Variants in NRG1 observed in about 807,000 individuals in gnomAD.
NRG1 encodes neuregulin 1, also known as pro-neuregulin-1, membrane-bound isoform.
NRG1 carries 18 observed loss-of-function variants against 63.8 expected under a neutral mutation model. The ratio of observed to expected loss-of-function variants is 0.28; its 90% CI spans 0.19 to 0.42. NRG1 has a LOEUF of 0.42. Ranked by LOEUF, NRG1 falls within the 10% of genes least tolerant of loss-of-function variation. The probability of loss-of-function intolerance (pLI) is 1.00; values close to 1 mark genes in which losing one functional copy is unlikely to be tolerated. For synonymous variants in NRG1, 302 were observed against 301.3 expected, an observed-to-expected ratio of 1.00 and a Z score of -0.02; for missense variants, 762 against 814.7, an observed-to-expected ratio of 0.94 and a Z score of 0.79.
At chr8:31,652,137 T>TAA (rs1216243844) in intron 1 of NRG1, among the ~76,000 whole-genome samples, 2 of 152,192 alleles carry the variant, frequency 1.3e-5, no homozygotes, top group African/African-American at 4.8e-5. Context: ...TAAATTCAGT[T>TAA]AACCCCTCAC....
chr8:31,703,954 T>A (rs1438029963), intron 1 of NRG1, among the ~76,000 whole-genome samples: 3 of 152,244 alleles, frequency 2.0e-5, no homozygotes, highest in African/African-American at 7.2e-5. Flanking sequence ...AAAACCTTCA[T>A]TGGCTCTTGT....
chr8:32,547,296 C>T (rs146082815), upstream of NRG1, among the ~76,000 whole-genome samples: 3 of 152,210 alleles, frequency 2.0e-5, no homozygotes, highest in East Asian at 5.8e-4. Flanking sequence ...GTAGGTTTCA[C>T]GCGCAGTTCT....
intron 1 of NRG1, among the ~76,000 whole-genome samples, chr8:31,988,232 G>C (rs1005626745): frequency 2.0e-5 from 3 of 152,056 alleles, no homozygotes; most frequent in African/African-American, 7.2e-5. Flanking sequence ...GTGTGCCACA[G>C]ACAATTGGGT....
At chr8:31,653,014 C>T (rs62506872) in intron 1 of NRG1, among the ~76,000 whole-genome samples, 8,495 of 71,754 alleles carry the variant, frequency 0.12, 1,395 homozygotes, top group East Asian at 0.43. Context: ...CCTCCCCTCC[C>T]CTCCCCTCCC....
chr8:31,915,254 G>T (rs1833283934), intron 1 of NRG1, among the ~76,000 whole-genome samples: 1 of 151,904 alleles, frequency 6.6e-6, no homozygotes, highest in Non-Finnish European at 1.5e-5. Flanking sequence ...CCAAATCATT[G>T]CCTACCTTGT....
At chr8:31,783,514 A>G (rs956038623) in intron 1 of NRG1, among the ~76,000 whole-genome samples, 5 of 152,012 alleles carry the variant, frequency 3.3e-5, no homozygotes, top group African/African-American at 1.2e-4. Context: ...GAGGCCCTCT[A>G]TAAATGCCAT....
chr8:32,398,178 T>C (rs13258588), intron 1 of NRG1, among the ~76,000 whole-genome samples: 8,645 of 150,034 alleles, frequency 0.058, 332 homozygotes, highest in Middle Eastern at 0.092. Context: ...GCCAGATTAC[T>C]GGAGTAAAAT....
intron 1 of NRG1, among the ~76,000 whole-genome samples, chr8:31,756,679 C>T (rs2131489972): frequency 6.6e-6 from 1 of 152,212 alleles, no homozygotes; most frequent in East Asian, 1.9e-4. Flanking sequence ...CCTTTTACTA[C>T]TATTAGAAAC....
intron 1 of NRG1, among the ~76,000 whole-genome samples, chr8:32,229,100 C>G (rs1211203791): frequency 6.6e-6 from 1 of 152,156 alleles, no homozygotes; most frequent in African/African-American, 2.4e-5. Context: ...CGTCGCAGTA[C>G]ACCTTGGCAT....
At chr8:32,356,331 A>G (rs1462912470) in intron 1 of NRG1, among the ~76,000 whole-genome samples, 1 of 152,184 alleles carries the variant, frequency 6.6e-6, no homozygotes, top group African/African-American at 2.4e-5. Flanking sequence ...TGATCAGGCT[A>G]TATAAAATCA....
chr8:32,285,903 A>G (rs760389693), intron 1 of NRG1, among the ~76,000 whole-genome samples: 20 of 152,200 alleles, frequency 1.3e-4, no homozygotes, highest in Non-Finnish European at 2.4e-4. Flanking sequence ...TTGACTACAG[A>G]CATATGCAAG....
At chr8:31,932,734 G>A (rs535092020) in intron 1 of NRG1, among the ~76,000 whole-genome samples, 73 of 152,314 alleles carry the variant, frequency 4.8e-4, no homozygotes, top group African/African-American at 1.8e-3. Context: ...GCACATGGGT[G>A]AGATCATGCT....
chr8:32,415,884 T>C (rs1194497526), intron 1 of NRG1, among the ~76,000 whole-genome samples: 2 of 152,228 alleles, frequency 1.3e-5, no homozygotes, highest in Non-Finnish European at 2.9e-5. Context: ...GACAGTCCCT[T>C]TGTACACAAA....
intron 1 of NRG1, among the ~76,000 whole-genome samples, chr8:31,805,731 G>C (rs982470189): frequency 5.3e-5 from 8 of 151,064 alleles, no homozygotes; most frequent in East Asian, 2.0e-4. Context: ...GGGAGTCTGA[G>C]GCAGGAGAAT....
intron 1 of NRG1, among the ~76,000 whole-genome samples, chr8:32,541,169 C>T (rs909806221): frequency 6.6e-6 from 1 of 152,004 alleles, no homozygotes; most frequent in Non-Finnish European, 1.5e-5. Flanking sequence ...AACATTCCAC[C>T]AAGAACTTCA....
At chr8:32,689,408 A>G (rs1028236521) in intron 5 of NRG1, among the ~76,000 whole-genome samples, 1 of 152,134 alleles carries the variant, frequency 6.6e-6, no homozygotes, top group African/African-American at 2.4e-5. Flanking sequence ...ATGAACAAAG[A>G]TTGCTTCTAG....
intron 1 of NRG1, among the ~76,000 whole-genome samples, chr8:31,813,511 CTTTTCTTTTTTT>C (rs1823095018): frequency 1.6e-5 from 1 of 62,338 alleles, no homozygotes; most frequent in African/African-American, 4.7e-5. Flanking sequence ...CTTTTCTTTT[CTTTTCTTTTTTT>C]TTTTTTTTTT....
chr8:31,706,979 A>G (rs936553605), intron 1 of NRG1, among the ~76,000 whole-genome samples: 2 of 151,860 alleles, frequency 1.3e-5, no homozygotes, highest in Admixed American at 1.3e-4. Context: ...TATCATTTGT[A>G]TTTTGACTCT....
At chr8:31,825,076 A>G (rs1316366535) in intron 1 of NRG1, among the ~76,000 whole-genome samples, 2 of 152,248 alleles carry the variant, frequency 1.3e-5, no homozygotes, top group African/African-American at 4.8e-5. Context: ...TAATTAAGGC[A>G]TATAGCAAAT....
Sources: allele counts gnomAD v4.1 joint callset (sites outside exome capture counted in the v4.1 genomes callset), GRCh38; gene constraint gnomAD v4.1.1; transcripts MANE v1.5; gene names NCBI Gene and HGNC (gene_info 2026-07-23, HGNC 2026-07-21).